Variants in DSTYK observed in about 807,000 individuals in gnomAD.
The protein encoded by DSTYK is RIP-homologous kinase.
Under a neutral mutation model 98.7 loss-of-function variants are expected in DSTYK, and 34 were observed. The observed-to-expected ratio is 0.34, with a 90% CI of 0.26 to 0.46. The LOEUF (loss-of-function observed/expected upper bound fraction) is 0.46, where lower values mean the gene tolerates loss of function less well. Among genes scored for constraint, DSTYK ranks in the 20% least tolerant of loss-of-function variants. DSTYK has a pLI of 1.00. For missense variants in DSTYK, 962 were observed against 1,181.7 expected, an observed-to-expected ratio of 0.81 and a Z score of 2.73; for synonymous variants, 462 against 457.3, an observed-to-expected ratio of 1.01 and a Z score of -0.13.
intron 9 of DSTYK, 119 bp from the exon 10 acceptor site, chr1:205,157,505 T>A (rs1225344370): frequency 2.5e-5 from 19 of 754,360 alleles, no homozygotes. Flanking sequence ...CCGGGCACAG[T>A]GGCTCATGCC....
chr1:205,186,039 A>G (rs1658549737), intron 2 of DSTYK, among the ~76,000 whole-genome samples: 1 of 152,114 alleles, frequency 6.6e-6, no homozygotes, highest in Non-Finnish European at 1.5e-5. Flanking sequence ...GAAAAAAAGA[A>G]AAGAAAAAAA....
At chr1:205,210,206 T>C (rs1659331300) in intron 1 of DSTYK, among the ~76,000 whole-genome samples, 2 of 152,088 alleles carry the variant, frequency 1.3e-5, no homozygotes, top group Admixed American at 1.3e-4. Flanking sequence ...CCCGGCCTCT[T>C]CAGGGTCTTT....
intron 1 of DSTYK, among the ~76,000 whole-genome samples, chr1:205,211,070 C>A (rs996836211): frequency 1.3e-5 from 2 of 152,236 alleles, no homozygotes; most frequent in African/African-American, 4.8e-5. Flanking sequence ...CCCCAGCGGG[C>A]CCCTTCCTCC....
intron 2 of DSTYK, among the ~76,000 whole-genome samples, chr1:205,174,136 T>C (rs975719930): frequency 2.0e-5 from 3 of 152,070 alleles, no homozygotes; most frequent in Non-Finnish European, 2.9e-5. Context: ...CCCAGCACTC[T>C]GGGAGGTTGA....
intron 2 of DSTYK, among the ~76,000 whole-genome samples, chr1:205,180,919 T>C (rs1237286708): frequency 6.6e-6 from 1 of 152,224 alleles, no homozygotes; most frequent in Non-Finnish European, 1.5e-5. Flanking sequence ...GCAGGATGGT[T>C]AGATTTTACT....
intron 1 of DSTYK, among the ~76,000 whole-genome samples, chr1:205,199,153 C>T (rs77422592): frequency 0.01 from 1,556 of 152,160 alleles, 22 homozygotes; most frequent in African/African-American, 0.035. Context: ...AGTCCTACTC[C>T]CATCATCCTG....
chr1:205,157,467 G>C (rs1235245737), intron 9 of DSTYK, 81 bp from the exon 10 acceptor site: 1 of 1,182,180 alleles, frequency 8.5e-7, no homozygotes. Flanking sequence ...CATGAGGACA[G>C]AAAAGTGATT....
At chr1:205,158,946 G>C (rs1657635484) in intron 9 of DSTYK, among the ~76,000 whole-genome samples, 1 of 152,164 alleles carries the variant, frequency 6.6e-6, no homozygotes, top group South Asian at 2.1e-4. Context: ...GCAAAAATGA[G>C]AAAGAAGAGC....
At chr1:205,177,831 C>T (rs565177873) in intron 2 of DSTYK, among the ~76,000 whole-genome samples, 97 of 151,420 alleles carry the variant, frequency 6.4e-4, no homozygotes, top group South Asian at 5.8e-3. Flanking sequence ...CGTGCCACTG[C>T]GCTCCAGCCT....
intron 10 of DSTYK, among the ~76,000 whole-genome samples, chr1:205,154,963 G>A (rs1021313107): frequency 1.5e-5 from 2 of 134,456 alleles, no homozygotes; most frequent in South Asian, 2.6e-4. Flanking sequence ...GGTATCTGGT[G>A]GAAGAAATTT....
chr1:205,162,507 A>T (rs187350364), intron 5 of DSTYK, among the ~76,000 whole-genome samples: 1 of 152,340 alleles, frequency 6.6e-6, no homozygotes, highest in African/African-American at 2.4e-5. Context: ...ATAACTCTAC[A>T]TAAGAGCCAG....
chr1:205,173,460 A>T (rs542053798), intron 2 of DSTYK: 15 of 152,114 alleles, frequency 9.9e-5, no homozygotes, highest in African/African-American at 2.9e-4. Flanking sequence ...ATAGGTGGAA[A>T]TATTTTTTAT....
rs771379420 is a variant in DSTYK at position 205,160,257 on chromosome 1, C to T, written c.1962G>A (p.Leu654=). The T allele has an allele frequency of 4.3e-6, 7 of 1,614,042 alleles. No individual in the cohort carries two copies. Among genetic ancestry groups the T allele is most frequent in the Admixed American group, 1.7e-5 (1 of 60,012 alleles). ...ACTGGCCCCGGCCCAGTTCCTGTCCCAGTTTAGGTTTACCTATAAGGTACA... is the reference window on the plus strand; with the variant it reads ...ACTGGCCCCGGCCCAGTTCCTGTCCTAGTTTAGGTTTACCTATAAGGTACA... ...QDVLLHRKPK[L]GQELGRGQYG... The change falls in exon 8 of 13, where the codon CTG becomes CTA. Residue 654 remains leucine (L), a synonymous_variant. Coordinates refer to ENST00000367162, the MANE Select transcript of DSTYK (RefSeq NM_015375.3).
Position 205,148,242 on chromosome 1 carries a change from A to G in DSTYK, c.2565T>C (p.Cys855=), listed in dbSNP as rs371120241. 2 of 1,614,020 alleles carry G rather than the reference A, an allele frequency of 1.2e-6. No homozygotes were observed. The highest frequency in any genetic ancestry group is 2.7e-5 in the African/African-American group (2 of 74,916). The change falls in exon 12 of 13, where the codon TGT becomes TGC. Residue 855 remains cysteine, a synonymous_variant. Transcript: ENST00000367162. ...SVKLPEAFER[C]ASKDHLWNNV... The stretch of plus-strand genomic sequence containing the variant: ...TGTTCCAGAGATGGTCTTTGCTAGC[A>G]CACCTCTCAAATGCCTCAGGGAGCT...
intron 11 of DSTYK, among the ~76,000 whole-genome samples, chr1:205,148,928 G>A (rs1490709088): frequency 6.7e-6 from 1 of 148,768 alleles, no homozygotes; most frequent in Non-Finnish European, 1.5e-5. Flanking sequence ...TTGAGATGGA[G>A]TTTGACTCTT....
Position 205,161,300 on chromosome 1 carries a change from G to C in DSTYK, c.1906C>G (p.Leu636Val). The change falls in exon 7 of 13, where the codon CTT (leucine) becomes GTT (valine). Residue 636 changes from leucine (L) to valine (V), a missense_variant. By Grantham distance (32) the Leu-to-Val change is conservative. This residue lies in a region of DSTYK where 660 missense variants were observed against 855.0 expected (regional missense o/e 0.77). Transcript: ENST00000367162. ...TGTAAAGAACAGCTTTCCAGAGAAA[G>C]GCGGGCCAGGCGGGGAGCATGATCT... Reference protein sequence around the residue: ...RKDHAPRLARLSLESCSLQDV... With the variant: ...RKDHAPRLARVSLESCSLQDV... 6.2e-7 allele frequency: 1 copy of C among 1,614,148 alleles called. No homozygotes were observed. Among genetic ancestry groups the C allele is most frequent in the Non-Finnish European group, 8.5e-7 (1 of 1,179,990 alleles).
intron 2 of DSTYK, among the ~76,000 whole-genome samples, chr1:205,172,155 C>T (rs1558611191): frequency 6.6e-6 from 1 of 152,100 alleles, no homozygotes; most frequent in Non-Finnish European, 1.5e-5. Flanking sequence ...TGGGGTTTCA[C>T]CATGTTGGCC....
chr1:205,208,709 AC>A (rs1332021575), intron 1 of DSTYK, among the ~76,000 whole-genome samples: 3 of 152,230 alleles, frequency 2.0e-5, no homozygotes, highest in African/African-American at 7.2e-5. Context: ...CCCCATCTTT[AC>A]AAAAAATTTA....
At chr1:205,173,407 A>AAAAG in intron 2 of DSTYK, 1 of 151,252 alleles carries the variant, frequency 6.6e-6, no homozygotes, top group Admixed American at 6.6e-5. Context: ...AAAAAAAAAA[A>AAAAG]AAAAGAAAAG....
Sources: gnomAD v4.1 joint callset for allele counts (sites outside exome capture counted in the v4.1 genomes callset) on GRCh38, gnomAD v4.1.1 for gene constraint, gnomAD v4.1.1 regional missense constraint, MANE v1.5 for transcripts, NCBI Gene and HGNC (gene_info 2026-07-23, HGNC 2026-07-21) for gene names.